Variants in CLIC5 observed in about 807,000 individuals in gnomAD.
CLIC5 encodes the protein chloride intracellular channel protein 5.
CLIC5 carries 20 observed loss-of-function variants against 24.7 expected under a neutral mutation model. That is an observed-to-expected ratio of 0.81 (90% confidence interval 0.57 to 1.18). The LOEUF is 1.18. Among genes scored for constraint, CLIC5 ranks in the 50% most tolerant of loss-of-function variants. CLIC5 has a pLI of 0.00. For synonymous variants in CLIC5, 159 were observed against 135.6 expected, an observed-to-expected ratio of 1.17 and a Z score of -1.20; for missense variants, 341 against 326.1, an observed-to-expected ratio of 1.05 and a Z score of -0.35.
chr6:46,128,188 A>G, the CLIC5 span, among the ~76,000 whole-genome samples: 1,076 of 152,274 alleles, frequency 7.1e-3, 4 homozygotes, highest in Admixed American at 0.014. Flanking sequence ...GTTCCTGACC[A>G]CTTTATCTTA....
chr6:45,980,185 A>G (rs540568046), intron 1 of CLIC5, among the ~76,000 whole-genome samples: 5 of 151,362 alleles, frequency 3.3e-5, no homozygotes, highest in Non-Finnish European at 4.4e-5. Flanking sequence ...GTTATTGTCA[A>G]CCTTGCTGAA....
At chr6:45,935,329 G>C (rs1237405997) in intron 4 of CLIC5, among the ~76,000 whole-genome samples, 1 of 152,246 alleles carries the variant, frequency 6.6e-6, no homozygotes, top group Non-Finnish European at 1.5e-5. Flanking sequence ...TGCTAGAGGT[G>C]GAGGCACTGG....
chr6:45,954,403 G>A (rs138880870), intron 2 of CLIC5, among the ~76,000 whole-genome samples: 1 of 152,234 alleles, frequency 6.6e-6, no homozygotes, highest in Admixed American at 6.5e-5. Flanking sequence ...GAACATCCAA[G>A]TGAAACTATC....
intron 1 of CLIC5, among the ~76,000 whole-genome samples, chr6:45,987,806 A>C (rs1331573188): frequency 6.6e-6 from 1 of 151,940 alleles, no homozygotes; most frequent in Non-Finnish European, 1.5e-5. Flanking sequence ...TTAGGGCTAC[A>C]CTCTTATGAC....
intron 3 of CLIC5, among the ~76,000 whole-genome samples, chr6:45,943,217 C>T (rs1427429060): frequency 6.6e-6 from 1 of 152,244 alleles, no homozygotes; most frequent in Non-Finnish European, 1.5e-5. Flanking sequence ...CAGGCAGTTT[C>T]ACTGTGGAAG....
At chr6:45,973,431 T>A (rs1470231660) in intron 1 of CLIC5, among the ~76,000 whole-genome samples, 1 of 152,216 alleles carries the variant, frequency 6.6e-6, no homozygotes, top group Non-Finnish European at 1.5e-5. Context: ...TTTCATTTTT[T>A]AAAATGAACA....
At chr6:45,977,699 T>C (rs1309962006) in intron 1 of CLIC5, among the ~76,000 whole-genome samples, 2 of 152,166 alleles carry the variant, frequency 1.3e-5, no homozygotes, top group African/African-American at 4.8e-5. Flanking sequence ...TCAGGTTGGC[T>C]ATGTCTGCAC....
chr6:46,052,432 C>A (rs922153797), intron 1 of CLIC5, among the ~76,000 whole-genome samples: 2 of 152,098 alleles, frequency 1.3e-5, no homozygotes, highest in Non-Finnish European at 2.9e-5. Context: ...GACAGTGTCA[C>A]CAATGACAAG....
At chr6:46,053,151 A>G (rs1768150699) in intron 1 of CLIC5, among the ~76,000 whole-genome samples, 1 of 152,088 alleles carries the variant, frequency 6.6e-6, no homozygotes, top group African/African-American at 2.4e-5. Context: ...AACTAATAGG[A>G]GTTGCAGAGA....
At chr6:45,914,597 AG>A in intron 4 of CLIC5, 188 bp from the exon 5 acceptor site, 1 of 1,149,118 alleles carries the variant, frequency 8.7e-7, no homozygotes, top group Non-Finnish European at 1.1e-6. Flanking sequence ...TAGGCTGAAA[AG>A]GCAAACTCTA....
chr6:45,943,391 A>G (rs1764195235), intron 3 of CLIC5, among the ~76,000 whole-genome samples: 2 of 152,246 alleles, frequency 1.3e-5, no homozygotes, highest in Non-Finnish European at 2.9e-5. Context: ...CTTCCTGGGT[A>G]TACTGAGAAT....
chr6:46,064,658 G>A (rs1206664786), intron 1 of CLIC5, among the ~76,000 whole-genome samples: 1 of 151,942 alleles, frequency 6.6e-6, no homozygotes, highest in Non-Finnish European at 1.5e-5. Flanking sequence ...ACTAAGTGGG[G>A]TTTAGCCCAA....
the CLIC5 span, among the ~76,000 whole-genome samples, chr6:46,100,060 A>T: frequency 2.0e-5 from 3 of 152,058 alleles, no homozygotes; most frequent in Non-Finnish European, 4.4e-5. Context: ...TTCTCCTGGA[A>T]ACAATGCTAT....
At chr6:45,907,775 C>A (rs577850127) in intron 5 of CLIC5, among the ~76,000 whole-genome samples, 7 of 152,096 alleles carry the variant, frequency 4.6e-5, no homozygotes, top group South Asian at 2.1e-4. Flanking sequence ...GTATACTGAA[C>A]CTTTACTGAA....
At position 45,900,583 on chromosome 6, in the gene CLIC5, A is replaced by G. The variant is rs1762486819; in HGVS notation, c.*2505T>C. 6.6e-6 allele frequency: 1 copy of G among 151,896 alleles called. No homozygotes were observed. Among genetic ancestry groups the G allele is most frequent in the African/African-American group, 2.4e-5 (1 of 41,300 alleles). The allele number at this position is 151,896 out of a possible 1,614,324, so 9.4% of individuals were successfully genotyped here. ...TATTATTGTTACTTTAATATACCAT[A>G]ATAAATCTAGTCATAAGACACCATA... On this transcript the variant is annotated 3_prime_UTR_variant, in exon 6 of 6. Coordinates refer to ENST00000339561, the MANE Select transcript of CLIC5 (RefSeq NM_016929.5).
intron 1 of CLIC5, among the ~76,000 whole-genome samples, chr6:45,994,824 C>G (rs1293296703): frequency 2.0e-5 from 3 of 152,120 alleles, no homozygotes. Flanking sequence ...CTATCCTTGA[C>G]AGTTGGTTAC....
intron 4 of CLIC5, among the ~76,000 whole-genome samples, chr6:45,916,967 G>T (rs543475954): frequency 6.6e-6 from 1 of 152,302 alleles, no homozygotes; most frequent in South Asian, 2.1e-4. Context: ...AGGACTGCAA[G>T]GCCTGGGACT....
At chr6:46,070,298 T>C (rs1248692631) in intron 1 of CLIC5, among the ~76,000 whole-genome samples, 1 of 152,174 alleles carries the variant, frequency 6.6e-6, no homozygotes, top group Non-Finnish European at 1.5e-5. Flanking sequence ...TGTTTGTAGA[T>C]GACATGATTT....
rs540210066 is a variant in CLIC5 at position 46,015,092 on chromosome 6, C to T, written c.63+388G>A. Among the ~76,000 whole-genome samples the T allele has an allele frequency of 7.9e-5, 12 of 152,332 alleles. No individual in the cohort carries two copies. The East Asian group carries it at 2.3e-3, about 29-fold the overall frequency. Reference sequence around the variant, plus strand: ...ATAACGTTTCTCTCCCATTCCTCCCCCTCCTCCCGTTTTAAAGGAAAGGTT... The same window carrying T: ...ATAACGTTTCTCTCCCATTCCTCCCTCTCCTCCCGTTTTAAAGGAAAGGTT... On this transcript the variant is annotated intron_variant, in intron 1 of 5. Transcript: ENST00000339561.
Sources: gnomAD v4.1 joint callset for allele counts (sites outside exome capture counted in the v4.1 genomes callset) on GRCh38, gnomAD v4.1.1 for gene constraint, MANE v1.5 for transcripts, NCBI Gene and HGNC (gene_info 2026-07-23, HGNC 2026-07-21) for gene names.